The following TPTE2 variants were observed in gnomAD, a reference collection of about 807,000 sequenced individuals.
TPTE2 encodes the protein transmembrane phosphoinositide 3-phosphatase and tensin homolog 2, also known as phosphatidylinositol 3,4,5-trisphosphate 3-phosphatase TPTE2.
Under a neutral mutation model 78.6 loss-of-function variants are expected in TPTE2, and 53 were observed. That is an observed-to-expected ratio of 0.67 (90% confidence interval 0.54 to 0.85). TPTE2 has a LOEUF of 0.85. Among genes scored for constraint, TPTE2 ranks in the 40% least tolerant of loss-of-function variants. The pLI, the probability that TPTE2 is intolerant of heterozygous loss-of-function variation, is 0.00. For missense variants in TPTE2, 461 were observed against 623.0 expected (o/e 0.74, Z 2.77); for synonymous variants, 175 against 206.2 (o/e 0.85, Z 1.30).
At position 19,450,248 on chromosome 13, in the gene TPTE2, T is replaced by C; in HGVS notation, c.884+15A>G. 1 of 1,611,104 alleles carries C rather than the reference T, an allele frequency of 6.2e-7. No individual in the cohort carries two copies. Among genetic ancestry groups the C allele is most frequent in the Non-Finnish European group, 8.5e-7 (1 of 1,179,364 alleles). On this transcript the variant is annotated intron_variant, in intron 12 of 19. Transcript: ENST00000400230. ...TTTAGCCCTCTTCTGATAGTCAATT[T>C]AGCATAAAACTTACTGTAGAGTGGG...
At chr13:19,526,863 G>T (rs1870536743) in intron 1 of TPTE2, among the ~76,000 whole-genome samples, 1 of 152,102 alleles carries the variant, frequency 6.6e-6, no homozygotes, top group South Asian at 2.1e-4. Flanking sequence ...TAATATTGAT[G>T]TATAGGTAAT....
At chr13:19,547,720 C>CATATATATATATATATATATATAT in the TPTE2 span, among the ~76,000 whole-genome samples, 890 of 118,668 alleles carry the variant, frequency 7.5e-3, 34 homozygotes, top group East Asian at 0.051. Context: ...AATAAATATA[C>CATATATATATATATATATATATAT]ATATATATAT....
At chr13:19,549,963 G>A in the TPTE2 span, among the ~76,000 whole-genome samples, 134 of 87,324 alleles carry the variant, frequency 1.5e-3, 13 homozygotes, top group South Asian at 8.6e-3. Context: ...GTACATATAG[G>A]CACAAAGAAG....
chr13:19,470,959 G>A lies in TPTE2; in HGVS notation c.392+2955C>T, dbSNP rs576253754. ...GGAGTCTTGCTCTGTCACCAGGCTG[G>A]AGTGCAGTGGCACCATCTCAGCTCA... On this transcript the variant is annotated intron_variant, in intron 6 of 19. Coordinates refer to ENST00000400230, the Ensembl canonical transcript of TPTE2. Among the ~76,000 whole-genome samples, 88 of 150,584 alleles carry A rather than the reference G, an allele frequency of 5.8e-4. 1 individual carries two copies. Among genetic ancestry groups the A allele is most frequent in the African/African-American group, 2.1e-3 (84 of 40,908 alleles).
upstream of TPTE2, among the ~76,000 whole-genome samples, chr13:19,504,071 A>C (rs1418478866): frequency 6.6e-6 from 1 of 151,972 alleles, no homozygotes; most frequent in Non-Finnish European, 1.5e-5. Flanking sequence ...CTCACAGTTC[A>C]CTGATAGCTC....
intron 4 of TPTE2, among the ~76,000 whole-genome samples, chr13:19,481,191 G>A (rs1880332215): frequency 6.6e-6 from 1 of 152,164 alleles, no homozygotes; most frequent in Non-Finnish European, 1.5e-5. Context: ...GGTTAGATTT[G>A]TTGATTGTAT....
chr13:19,441,289 A>C (rs1877479722), intron 13 of TPTE2, among the ~76,000 whole-genome samples: 1 of 152,008 alleles, frequency 6.6e-6, no homozygotes, highest in Non-Finnish European at 1.5e-5. Flanking sequence ...AGAAAAGGGC[A>C]CAGGTTGAAA....
chr13:19,512,171 T>C (rs1374980479), intron 1 of TPTE2, among the ~76,000 whole-genome samples: 1 of 152,228 alleles, frequency 6.6e-6, no homozygotes, highest in Non-Finnish European at 1.5e-5. Context: ...ATCTACCCTT[T>C]AAAAGGCCAT....
chr13:19,455,198 T>C (rs554849678), intron 10 of TPTE2, among the ~76,000 whole-genome samples: 23 of 152,360 alleles, frequency 1.5e-4, no homozygotes, highest in African/African-American at 5.3e-4. Context: ...TTTAGGTATT[T>C]ACAAATGTAT....
upstream of TPTE2, among the ~76,000 whole-genome samples, chr13:19,505,459 T>C (rs1277846128): frequency 6.6e-6 from 1 of 152,088 alleles, no homozygotes; most frequent in Non-Finnish European, 1.5e-5. Context: ...TTATTTCTAA[T>C]GTAACTGCAG....
the TPTE2 span, among the ~76,000 whole-genome samples, chr13:19,548,707 C>A: frequency 6.6e-6 from 1 of 151,320 alleles, no homozygotes; most frequent in Non-Finnish European, 1.5e-5. Flanking sequence ...ATACAAAAAT[C>A]AACTCAAGAT....
chr13:19,492,649 G>C (rs1217643891), intron 3 of TPTE2, among the ~76,000 whole-genome samples: 2 of 152,152 alleles, frequency 1.3e-5, no homozygotes, highest in Non-Finnish European at 2.9e-5. Context: ...GGCCATGAAG[G>C]CTCCTGAGAG....
rs138449004 is a variant in TPTE2 at position 19,535,306 on chromosome 13, G to A, written c.-44+1290C>T. 2.2e-3 allele frequency among the ~76,000 whole-genome samples: 331 copies of A among 151,942 alleles called. 2 individuals carry two copies. The highest frequency in any genetic ancestry group is 7.3e-3 in the African/African-American group (301 of 41,472). On this transcript the variant is annotated intron_variant, in intron 1 of 17. Transcript: ENST00000390680. This position sits in a 1 kb window ranked among gnomAD's most constrained non-coding sequence, Gnocchi z 5.1. ...GAACCAAATGTATAAATAGTCAAAC[G>A]AAGGATGTTTTTAACAACATGGTCC...
chr13:19,541,370 C>A (rs1410012117), upstream of TPTE2, among the ~76,000 whole-genome samples: 1 of 152,186 alleles, frequency 6.6e-6, no homozygotes, highest in African/African-American at 2.4e-5. Flanking sequence ...TGTCTCAGGT[C>A]TCATCCACAC....
At chr13:19,479,210 G>T (rs1456757463) in intron 4 of TPTE2, among the ~76,000 whole-genome samples, 2 of 152,044 alleles carry the variant, frequency 1.3e-5, no homozygotes, top group African/African-American at 4.8e-5. Context: ...TAAAAGTAAA[G>T]ATAAATAATA....
upstream of TPTE2, among the ~76,000 whole-genome samples, chr13:19,507,793 G>GT (rs1869172554): frequency 6.6e-6 from 1 of 152,176 alleles, no homozygotes; most frequent in African/African-American, 2.4e-5. Context: ...ACATCCAGCT[G>GT]TACCCAGTTG....
At chr13:19,544,928 GCACA>G in the TPTE2 span, among the ~76,000 whole-genome samples, 1 of 107,092 alleles carries the variant, frequency 9.3e-6, no homozygotes, top group Non-Finnish European at 1.9e-5. Flanking sequence ...ACACACACGT[GCACA>G]CTCACACACA....
chr13:19,514,360 C>T (rs1869650540), intron 1 of TPTE2, among the ~76,000 whole-genome samples: 2 of 152,262 alleles, frequency 1.3e-5, no homozygotes, highest in African/African-American at 4.8e-5. Flanking sequence ...CCACTTAGAT[C>T]AGTCAACTCA....
chr13:19,470,114 G>A (rs1879512341), intron 6 of TPTE2, among the ~76,000 whole-genome samples: 1 of 152,116 alleles, frequency 6.6e-6, no homozygotes, highest in Admixed American at 6.5e-5. Context: ...CTAGATCACA[G>A]AGAAAAGCTT....
Sources: allele counts gnomAD v4.1 joint callset (sites outside exome capture counted in the v4.1 genomes callset), GRCh38; gene constraint gnomAD v4.1.1; non-coding constraint Gnocchi (gnomAD v3.1); transcripts MANE v1.5; gene names NCBI Gene and HGNC (gene_info 2026-07-23, HGNC 2026-07-21).